The following SHROOM3 variants were observed in gnomAD, a reference collection of about 807,000 sequenced individuals.
SHROOM3 encodes the protein shroom family member 3, also known as protein Shroom3.
Under a neutral mutation model 138.6 loss-of-function variants are expected in SHROOM3, and 47 were observed. That is an observed-to-expected ratio of 0.34 (90% confidence interval 0.27 to 0.43). SHROOM3 has a LOEUF of 0.43. Among genes scored for constraint, SHROOM3 ranks in the 20% least tolerant of loss-of-function variants. SHROOM3 has a pLI of 1.00. For missense variants in SHROOM3, 2,491 were observed against 2,596.5 expected, an observed-to-expected ratio of 0.96 and a Z score of 0.88; for synonymous variants, 1,062 against 1,063.3, an observed-to-expected ratio of 1.00 and a Z score of 0.02.
intron 4 of SHROOM3, among the ~76,000 whole-genome samples, chr4:76,735,837 C>CT (rs1382360042): frequency 3.2e-5 from 1 of 31,438 alleles, no homozygotes; most frequent in East Asian, 1.3e-3. Context: ...GAGACTCTAT[C>CT]TTAAAAAAAA....
chr4:76,757,324 T>C (rs547356008), intron 8 of SHROOM3, among the ~76,000 whole-genome samples: 2 of 152,338 alleles, frequency 1.3e-5, no homozygotes, highest in East Asian at 1.9e-4. Context: ...ACCAAGGTCA[T>C]TGAACATGTG....
chr4:76,450,854 A>G (rs1192945681), intron 1 of SHROOM3, among the ~76,000 whole-genome samples: 1 of 152,224 alleles, frequency 6.6e-6, no homozygotes, highest in African/African-American at 2.4e-5. Context: ...GAAAAACACT[A>G]CTTCTATTCT....
Position 76,738,811 on chromosome 4 carries a change from G to A in SHROOM3, c.638G>A (p.Ser213Asn). 1 of 1,614,238 alleles carries A rather than the reference G, an allele frequency of 6.2e-7. No homozygotes were observed. Residue 213 changes from serine to asparagine, a missense_variant, in exon 5 of 11, where the codon AGC becomes AAC. Around this residue, in one of 4 missense-constraint regions of SHROOM3, gnomAD observed 284 missense variants for 322.8 expected, o/e 0.88. Transcript: ENST00000296043. ...TATGACCATGCTTATCTAAGGCGGA[G>A]CCCTGACCAGTGCAGCTCCCAGGGG... Reference protein sequence around the residue: ...SNYDHAYLRRSPDQCSSQGSM... With the variant: ...SNYDHAYLRRNPDQCSSQGSM...
intron 2 of SHROOM3, among the ~76,000 whole-genome samples, chr4:76,696,813 G>A (rs889815185): frequency 6.6e-5 from 10 of 152,190 alleles, no homozygotes; most frequent in African/African-American, 2.4e-4. Flanking sequence ...TTGCATCAAA[G>A]GCATGTTTTC....
At chr4:76,662,400 A>G (rs1718530919) in intron 2 of SHROOM3, among the ~76,000 whole-genome samples, 1 of 152,174 alleles carries the variant, frequency 6.6e-6, no homozygotes, top group Non-Finnish European at 1.5e-5. Context: ...TGCAAGACGC[A>G]TTGAATCCCC....
chr4:76,554,244 A>C (rs766091502), intron 1 of SHROOM3, among the ~76,000 whole-genome samples: 1 of 151,972 alleles, frequency 6.6e-6, no homozygotes, highest in South Asian at 2.1e-4. Flanking sequence ...TCACTTAGAA[A>C]TATGCATTTT....
At position 76,782,013 on chromosome 4, in the gene SHROOM3, C is replaced by T. The variant is rs1722746396; in HGVS notation, c.*2836C>T. The T allele has an allele frequency of 6.6e-6, 1 of 152,170 alleles. No individual in the cohort carries two copies. The highest frequency in any genetic ancestry group is 2.4e-5 in the African/African-American group (1 of 41,426). The allele number at this position is 152,170 out of a possible 1,614,324, so 9.4% of individuals were successfully genotyped here. A position where few individuals can be genotyped will look rare whatever the true frequency, so the allele number is the denominator to read the frequency against. On this transcript the variant is annotated 3_prime_UTR_variant, in exon 11 of 11. Transcript: ENST00000296043. ...TCCAAATGCAGATACTCCAGCCACC[C>T]GCAAGGTTCCAGGAAAGGACAATGT...
At chr4:76,547,657 C>A (rs569114907) in intron 1 of SHROOM3, among the ~76,000 whole-genome samples, 4 of 152,066 alleles carry the variant, frequency 2.6e-5, no homozygotes, top group African/African-American at 9.7e-5. Context: ...TGGCCAGGCG[C>A]GGCGGCTCAT....
chr4:76,776,330 TA>T (rs771096904), intron 10 of SHROOM3, among the ~76,000 whole-genome samples: 37 of 152,236 alleles, frequency 2.4e-4, no homozygotes, highest in Non-Finnish European at 4.9e-4. Context: ...GATTTATTTG[TA>T]GATTCTGGAT....
intron 2 of SHROOM3, among the ~76,000 whole-genome samples, chr4:76,646,757 G>A (rs1425855754): frequency 1.3e-5 from 2 of 152,090 alleles, no homozygotes; most frequent in Non-Finnish European, 2.9e-5. Flanking sequence ...ATTATGAAAA[G>A]CACAAAAAAT....
At chr4:76,767,588 A>T (rs1254649277) in intron 9 of SHROOM3, among the ~76,000 whole-genome samples, 17 of 152,110 alleles carry the variant, frequency 1.1e-4, no homozygotes, top group Non-Finnish European at 8.8e-5. Flanking sequence ...GAGGCAGGAG[A>T]ATCACTTGAA....
chr4:76,541,756 C>T (rs1056156404), intron 1 of SHROOM3, among the ~76,000 whole-genome samples: 3 of 152,130 alleles, frequency 2.0e-5, no homozygotes, highest in Admixed American at 1.3e-4. Flanking sequence ...AACTGTCTCC[C>T]ATGCCCTTTC....
intron 10 of SHROOM3, among the ~76,000 whole-genome samples, chr4:76,771,791 A>C (rs1429185802): frequency 6.6e-6 from 1 of 152,200 alleles, no homozygotes; most frequent in African/African-American, 2.4e-5. Context: ...TGCAGACTCC[A>C]AGTTGTATCA....
chr4:76,667,481 T>G (rs1191822153), intron 2 of SHROOM3, among the ~76,000 whole-genome samples: 1 of 152,016 alleles, frequency 6.6e-6, no homozygotes, highest in Non-Finnish European at 1.5e-5. Flanking sequence ...CATACCCAGA[T>G]AATTTTTAAA....
At chr4:76,685,681 A>G (rs1719315441) in intron 2 of SHROOM3, among the ~76,000 whole-genome samples, 1 of 152,242 alleles carries the variant, frequency 6.6e-6, no homozygotes, top group African/African-American at 2.4e-5. Flanking sequence ...AAAATTTAGT[A>G]ATATTTTAAA....
intron 2 of SHROOM3, chr4:76,586,977 T>G (rs982340158): frequency 6.6e-6 from 1 of 152,214 alleles, no homozygotes; most frequent in African/African-American, 2.4e-5. Flanking sequence ...ATCAATGAAT[T>G]GCACTTCAAC....
rs749861643 is a variant in SHROOM3, at chr4:76,740,429, C to G, written c.2256C>G (p.His752Gln). Residue 752 changes from histidine to glutamine, a missense_variant, in exon 5 of 11, where the codon CAC becomes CAG. By Grantham distance (24) the His-to-Gln change is conservative (BLOSUM62 0). Around this residue, in one of 4 missense-constraint regions of SHROOM3, gnomAD observed 1,733 missense variants for 1,661.6 expected, o/e 1.04. Coordinates refer to ENST00000296043, the MANE Select transcript of SHROOM3 (RefSeq NM_020859.4). This position sits in a 1 kb window ranked among gnomAD's most constrained non-coding sequence, Gnocchi z 4.0. ...AGCCGCCTGCCCCCTCGCACCCGCA[C>G]ACATCCAGTCTGGGCCGGAGGGGGC... ...PEEPPAPSHPHTSSLGRRGPG... is the reference protein window; with the variant it reads ...PEEPPAPSHPQTSSLGRRGPG... 1 of 1,612,776 alleles carries G rather than the reference C, an allele frequency of 6.2e-7. No individual in the cohort carries two copies. Among genetic ancestry groups the G allele is most frequent in the Non-Finnish European group, 8.5e-7 (1 of 1,179,556 alleles).
chr4:76,463,778 A>G (rs1227735286), intron 1 of SHROOM3, among the ~76,000 whole-genome samples: 1 of 152,210 alleles, frequency 6.6e-6, no homozygotes, highest in Non-Finnish European at 1.5e-5. Flanking sequence ...AGCTCAGGCC[A>G]TTATTTCAGA....
In SHROOM3 at chr4:76,510,947, G is replaced by A. The variant is rs565411487; in HGVS notation, c.169-44662G>A. Among the ~76,000 whole-genome samples the A allele has an allele frequency of 2.7e-3, 412 of 152,228 alleles. 4 individuals carry two copies. The highest frequency in any genetic ancestry group is 9.2e-3 in the African/African-American group (381 of 41,536). The stretch of plus-strand genomic sequence containing the variant: ...TGTAATCCCAGCACTTTGGGAGGCC[G>A]AGGCAGGTGGATCACCTGAGGTCAG... On this transcript the variant is annotated intron_variant, in intron 1 of 10. Transcript: ENST00000296043.
Sources: allele counts gnomAD v4.1 joint callset (sites outside exome capture counted in the v4.1 genomes callset), GRCh38; gene constraint gnomAD v4.1.1; regional missense constraint gnomAD v4.1.1; non-coding constraint Gnocchi (gnomAD v3.1); transcripts MANE v1.5; gene names NCBI Gene and HGNC (gene_info 2026-07-23, HGNC 2026-07-21).